Variants in CXCL13 observed in about 807,000 individuals in gnomAD.
CXCL13 encodes the protein C-X-C motif chemokine 13.
Under a neutral mutation model 12.2 loss-of-function variants are expected in CXCL13, and 7 were observed. The ratio of observed to expected loss-of-function variants is 0.57; its 90% CI spans 0.33 to 1.07. CXCL13 has a LOEUF of 1.07. Among genes scored for constraint, CXCL13 ranks in the 50% least tolerant of loss-of-function variants. CXCL13 has a pLI of 0.04. For synonymous variants in CXCL13, 47 were observed against 42.4 expected (o/e 1.11, Z -0.42); for missense variants, 113 against 127.4 (o/e 0.89, Z 0.55).
intron 1 of CXCL13, among the ~76,000 whole-genome samples, chr4:77,546,184 A>G (rs1725358469): frequency 1.3e-5 from 2 of 152,132 alleles, no homozygotes; most frequent in South Asian, 4.1e-4. Flanking sequence ...ATCAATGTTC[A>G]TCACTGATAT....
At chr4:77,569,537 C>T (rs1372264048) in intron 1 of CXCL13, among the ~76,000 whole-genome samples, 2 of 152,008 alleles carry the variant, frequency 1.3e-5, no homozygotes, top group East Asian at 1.9e-4. Context: ...ACACATACTA[C>T]ACACACAGTA....
intron 1 of CXCL13, among the ~76,000 whole-genome samples, chr4:77,573,493 T>C (rs1045348622): frequency 4.6e-5 from 7 of 151,442 alleles, no homozygotes; most frequent in African/African-American, 9.8e-5. Flanking sequence ...TAAATAAGTG[T>C]TCCCAAAAAT....
At chr4:77,528,512 A>C (rs1724828379) in intron 1 of CXCL13, among the ~76,000 whole-genome samples, 1 of 152,056 alleles carries the variant, frequency 6.6e-6, no homozygotes, top group Non-Finnish European at 1.5e-5. Context: ...TTTGATTTGC[A>C]TTTCTCTGAT....
intron 1 of CXCL13, among the ~76,000 whole-genome samples, chr4:77,581,503 T>A (rs370045467): frequency 6.6e-6 from 1 of 152,130 alleles, no homozygotes; most frequent in African/African-American, 2.4e-5. Flanking sequence ...GCTCAAGGGA[T>A]CTTGGGATCC....
At chr4:77,527,767 C>T (rs1724803870) in intron 1 of CXCL13, among the ~76,000 whole-genome samples, 1 of 151,816 alleles carries the variant, frequency 6.6e-6, no homozygotes, top group South Asian at 2.1e-4. Context: ...TTGGCAGTTT[C>T]TTTTTTTATT....
chr4:77,605,532 G>T (rs1009313666), upstream of CXCL13, among the ~76,000 whole-genome samples: 1 of 151,986 alleles, frequency 6.6e-6, no homozygotes, highest in African/African-American at 2.4e-5. Context: ...CACCAATAGC[G>T]CTACTAAAGA....
intron 1 of CXCL13, among the ~76,000 whole-genome samples, chr4:77,578,973 G>A (rs562950421): frequency 5.3e-4 from 80 of 152,188 alleles, no homozygotes; most frequent in Non-Finnish European, 8.2e-4. Context: ...TTCTGAGACC[G>A]AAGGTGCATT....
intron 1 of CXCL13, among the ~76,000 whole-genome samples, chr4:77,527,927 C>A (rs907526593): frequency 6.6e-6 from 1 of 152,130 alleles, no homozygotes; most frequent in African/African-American, 2.4e-5. Flanking sequence ...TATCCCTCCC[C>A]TATCCCCCCA....
chr4:77,607,385 G>A (rs918400621), intron 1 of CXCL13, among the ~76,000 whole-genome samples: 52 of 152,022 alleles, frequency 3.4e-4, no homozygotes, highest in African/African-American at 9.9e-4. Flanking sequence ...TGGGGTCTCC[G>A]TTTGTTGCCC....
intron 1 of CXCL13, among the ~76,000 whole-genome samples, chr4:77,583,002 G>T (rs1020962898): frequency 2.6e-5 from 4 of 152,144 alleles, no homozygotes; most frequent in African/African-American, 9.7e-5. Context: ...CATTATAATA[G>T]TCATGCTGTT....
intron 1 of CXCL13, among the ~76,000 whole-genome samples, chr4:77,579,479 T>G (rs1726267749): frequency 6.6e-6 from 1 of 152,166 alleles, no homozygotes; most frequent in Admixed American, 6.5e-5. Flanking sequence ...TGAATTATAT[T>G]CTAATTAGAA....
chr4:77,598,560 T>G (rs949311620), intron 1 of CXCL13, among the ~76,000 whole-genome samples: 1 of 152,042 alleles, frequency 6.6e-6, no homozygotes, highest in Non-Finnish European at 1.5e-5. Context: ...AACAAAGAAA[T>G]AAGACTATTT....
intron 1 of CXCL13, among the ~76,000 whole-genome samples, chr4:77,561,825 G>A (rs1008608122): frequency 1.3e-5 from 2 of 152,202 alleles, no homozygotes; most frequent in African/African-American, 4.8e-5. Context: ...TGCACTGTGG[G>A]AGCCCCTCTC....
chr4:77,590,227 G>A (rs915541525), intron 1 of CXCL13, among the ~76,000 whole-genome samples: 9 of 152,140 alleles, frequency 5.9e-5, no homozygotes, highest in African/African-American at 1.2e-4. Context: ...TGTCAGAAAT[G>A]TCATTTTAGG....
chr4:77,540,213 CCTAA>C (rs1302515613), intron 1 of CXCL13, among the ~76,000 whole-genome samples: 9 of 151,970 alleles, frequency 5.9e-5, no homozygotes, highest in Non-Finnish European at 1.2e-4. Context: ...TTCTGCAAGA[CCTAA>C]CTGTGGTATT....
chr4:77,514,500 A>C (rs1185874808), intron 1 of CXCL13, among the ~76,000 whole-genome samples: 1 of 146,094 alleles, frequency 6.8e-6, no homozygotes, highest in African/African-American at 2.5e-5. Context: ...TTGCCATTCT[A>C]ACTGGTGTGA....
At chr4:77,522,887 C>T (rs1032870616) in intron 1 of CXCL13, among the ~76,000 whole-genome samples, 1 of 152,098 alleles carries the variant, frequency 6.6e-6, no homozygotes, top group Non-Finnish European at 1.5e-5. Context: ...TTCAGGAACT[C>T]TTGTAAGGCA....
intron 1 of CXCL13, among the ~76,000 whole-genome samples, chr4:77,535,794 G>A (rs905663510): frequency 6.6e-5 from 10 of 152,152 alleles, no homozygotes; most frequent in African/African-American, 2.2e-4. Flanking sequence ...TCAAGTGAAT[G>A]TGCCTTTAGA....
chr4:77,585,571 G>T (rs2109827411), intron 1 of CXCL13, among the ~76,000 whole-genome samples: 1 of 152,290 alleles, frequency 6.6e-6, no homozygotes, highest in African/African-American at 2.4e-5. Context: ...CTCTGTGCTT[G>T]CTTCAGAGCT....
Sources: gnomAD v4.1 joint callset for allele counts (sites outside exome capture counted in the v4.1 genomes callset) on GRCh38, gnomAD v4.1.1 for gene constraint, MANE v1.5 for transcripts, NCBI Gene and HGNC (gene_info 2026-07-23, HGNC 2026-07-21) for gene names.